RIOX2: variants seen among roughly 807,000 people sequenced by gnomAD.
The protein encoded by RIOX2 is 60S ribosomal protein L27a histidine hydroxylase.
Under a neutral mutation model 51.2 loss-of-function variants are expected in RIOX2, and 43 were observed. That is an observed-to-expected ratio of 0.84 (90% CI 0.66 to 1.08). The LOEUF (loss-of-function observed/expected upper bound fraction) is 1.08, where lower values mean the gene tolerates loss of function less well. Ranked by LOEUF, RIOX2 falls within the 50% of genes least tolerant of loss-of-function variation. The pLI is 0.00. For missense variants in RIOX2, 566 were observed against 561.7 expected, an observed-to-expected ratio of 1.01 and a Z score of -0.08; for synonymous variants, 226 against 218.5, an observed-to-expected ratio of 1.03 and a Z score of -0.30.
chr3:97,948,156 C>T (rs1218049404), intron 7 of RIOX2, among the ~76,000 whole-genome samples: 2 of 152,086 alleles, frequency 1.3e-5, no homozygotes, highest in Admixed American at 6.6e-5. Flanking sequence ...AAAGATTAAA[C>T]CATGTGCTTG....
intron 4 of RIOX2, among the ~76,000 whole-genome samples, chr3:97,956,739 C>T (rs1349857749): frequency 1.3e-5 from 2 of 152,210 alleles, no homozygotes; most frequent in Non-Finnish European, 2.9e-5. Flanking sequence ...AGGTGATCCA[C>T]CTGCCTCGGC....
chr3:97,943,569 T>C lies in RIOX2; in HGVS notation c.*1615A>G, dbSNP rs2040282862. On this transcript the variant is annotated 3_prime_UTR_variant, in exon 10 of 10. Coordinates refer to ENST00000394198, the MANE Select transcript of RIOX2 (RefSeq NM_153182.4). ...AGGTTCTATTCCTGATCTCCAGCTG[T>C]GGTGAGCAAGTTTCCTGAAGTGTTT... 9 of 414,612 alleles carry C rather than the reference T, an allele frequency of 2.2e-5. No individual in the cohort carries two copies. In the East Asian group the frequency reaches 4.8e-4, roughly 22 times the overall value. 25.7% of individuals were successfully genotyped at this position (414,612 alleles called of 1,614,324 possible).
intron 6 of RIOX2, 127 bp from the exon 7 acceptor site, chr3:97,950,142 G>GA: frequency 1.2e-6 from 1 of 834,394 alleles, no homozygotes; most frequent in Middle Eastern, 3.7e-4. Flanking sequence ...TTCCAAAGGG[G>GA]AAGGGACAAC....
At position 97,942,396 on chromosome 3, in the gene RIOX2, GAACT is replaced by G; in HGVS notation, c.*2784_*2787del. The G allele has an allele frequency of 1.2e-6, 2 of 1,611,726 alleles. No homozygotes were observed. Among genetic ancestry groups the G allele is most frequent in the South Asian group, 2.2e-5 (2 of 90,902 alleles). Reference sequence around the variant, plus strand: ...CAGAAGTGGAGACTGAATAAAAATGGAACTATCAGCTCTTATCTCAGTGATCAAC... The same window carrying G: ...CAGAAGTGGAGACTGAATAAAAATGGATCAGCTCTTATCTCAGTGATCAAC... On this transcript the variant is annotated 3_prime_UTR_variant, in exon 10 of 10. Coordinates refer to ENST00000394198, the MANE Select transcript of RIOX2 (RefSeq NM_153182.4).
chr3:97,964,582 GC>G (rs1287282611), intron 2 of RIOX2, among the ~76,000 whole-genome samples: 4 of 151,010 alleles, frequency 2.6e-5, no homozygotes, highest in African/African-American at 9.7e-5. Flanking sequence ...TGTAATCCCA[GC>G]TACTCAGGAG....
rs573849987 is a variant in RIOX2, at chr3:97,945,392, T to G, written c.1240-50A>C. The G allele has an allele frequency of 1.2e-5, 18 of 1,481,726 alleles. No individual in the cohort carries two copies. The Admixed American group carries it at 2.2e-4, about 18-fold the overall frequency. 91.8% of individuals were successfully genotyped at this position (1,481,726 alleles called of 1,614,324 possible). A position where few individuals can be genotyped will look rare whatever the true frequency, so the allele number is the denominator to read the frequency against. ...AAATATATGTATACTACTTATGTCA[T>G]TGAAGTAGCATTTTCCTGTAAATTT... is the stretch of plus-strand genomic sequence containing the variant. On this transcript the variant is annotated intron_variant, in intron 9 of 9. Transcript: ENST00000394198.
chr3:97,955,606 G>A (rs903858111), intron 4 of RIOX2, among the ~76,000 whole-genome samples: 1 of 152,046 alleles, frequency 6.6e-6, no homozygotes, highest in Non-Finnish European at 1.5e-5. Flanking sequence ...AATTTTCCCT[G>A]AATGACAACA....
chr3:97,947,582 A>G (rs748069989), intron 7 of RIOX2, 133 bp from the exon 8 acceptor site: 2 of 671,796 alleles, frequency 3.0e-6, no homozygotes, highest in South Asian at 1.8e-5. Flanking sequence ...ATACACTCCA[A>G]CTGAAGAATT....
intron 2 of RIOX2, among the ~76,000 whole-genome samples, 159 bp from the exon 3 acceptor site, chr3:97,961,867 T>G (rs1431800274): frequency 6.6e-6 from 1 of 152,206 alleles, no homozygotes; most frequent in African/African-American, 2.4e-5. Flanking sequence ...CCAATACCCA[T>G]GGTCTCAAAA....
At position 97,955,815 on chromosome 3, in the gene RIOX2, A is replaced by G. The variant is rs1007502112; in HGVS notation, c.682-1320T>C. Among the ~76,000 whole-genome samples, 5 of 152,312 alleles carry G rather than the reference A, an allele frequency of 3.3e-5. No individual in the cohort carries two copies. In the Middle Eastern group the frequency reaches 0.01, roughly 311 times the overall value. ...ATCTAGGTAGTATAGTGTACTACCT[A>G]CATTACATGGTACAGCCTACTGCTC... On this transcript the variant is annotated intron_variant, in intron 4 of 9. Coordinates refer to ENST00000394198, the MANE Select transcript of RIOX2 (RefSeq NM_153182.4).
chr3:97,950,838 G>A lies in RIOX2; in HGVS notation c.836C>T (p.Thr279Ile). The A allele has an allele frequency of 1.9e-6, 3 of 1,613,706 alleles. No homozygotes were observed. Among genetic ancestry groups the A allele is most frequent in the Admixed American group, 1.7e-5 (1 of 60,000 alleles). Residue 279 changes from threonine (T) to isoleucine (I), a missense_variant, in exon 6 of 10, where the codon ACT (threonine) becomes ATT (isoleucine). Physicochemically the swap from Thr to Ile is moderately conservative, Grantham distance 89. Coordinates refer to ENST00000394198, the MANE Select transcript of RIOX2 (RefSeq NM_153182.4). The part of the protein sequence containing the change: ...LDTISGLVFD[T>I]AKEDVELRTG... ...CCGTAACTCCACGTCTTCCTTTGCA[G>A]TATCAAATACAAGCCCCGAGATGGT...
At chr3:97,965,682 A>T (rs1705864363) in intron 2 of RIOX2, among the ~76,000 whole-genome samples, 1 of 152,224 alleles carries the variant, frequency 6.6e-6, no homozygotes, top group Non-Finnish European at 1.5e-5. Flanking sequence ...ACTTAAGTGG[A>T]TGAGCAGAGA....
intron 3 of RIOX2, 87 bp from the exon 4 acceptor site, chr3:97,959,266 G>T: frequency 1.6e-6 from 2 of 1,257,030 alleles, no homozygotes; most frequent in Non-Finnish European, 2.2e-6. Context: ...CCTCTAAGGG[G>T]CTAATAGACA....
In RIOX2 at chr3:97,944,054, A is replaced by T. The variant is rs1285696194; in HGVS notation, c.*1130T>A. 1 of 151,754 alleles carries T rather than the reference A, an allele frequency of 6.6e-6. No individual in the cohort carries two copies. The highest frequency in any genetic ancestry group is 2.4e-5 in the African/African-American group (1 of 41,374). The allele number at this position is 151,754 out of a possible 1,614,324, so 9.4% of individuals were successfully genotyped here. ...CCTTTAGGTGACAAGACTCTATAAC[A>T]GTGGTTACCTGTCTCCATGTTGACA... On this transcript the variant is annotated 3_prime_UTR_variant, in exon 10 of 10. Transcript: ENST00000394198.
chr3:97,949,270 C>T (rs1705140633), intron 7 of RIOX2, among the ~76,000 whole-genome samples: 1 of 152,086 alleles, frequency 6.6e-6, no homozygotes, highest in Admixed American at 6.6e-5. Flanking sequence ...TAAAAAGAGC[C>T]TGGCACTTCT....
intron 4 of RIOX2, among the ~76,000 whole-genome samples, chr3:97,957,308 C>A (rs1354062780): frequency 2.6e-5 from 4 of 151,978 alleles, no homozygotes; most frequent in Non-Finnish European, 4.4e-5. Context: ...ACCAGCCTGG[C>A]CAACATGGTG....
Position 97,959,031 on chromosome 3 carries a change from C to G in RIOX2, c.681+20G>C. On this transcript the variant is annotated intron_variant, in intron 4 of 9. Coordinates refer to ENST00000394198, the MANE Select transcript of RIOX2 (RefSeq NM_153182.4). The stretch of plus-strand genomic sequence containing the variant: ...CACAATGGCTCTAACAATGAGGTGC[C>G]CACAACGGTTATCACATACCTTCAG... The G allele has an allele frequency of 6.3e-7, 1 of 1,595,100 alleles. No individual in the cohort carries two copies. Among genetic ancestry groups the G allele is most frequent in the Non-Finnish European group, 8.5e-7 (1 of 1,170,002 alleles).
rs1705231413 is a variant in RIOX2 at position 97,951,163 on chromosome 3, A to G, written c.786-275T>C. 4 of 308,548 alleles carry G rather than the reference A, an allele frequency of 1.3e-5. No homozygotes were observed. The East Asian group carries it at 2.4e-4, about 19-fold the overall frequency. The allele number at this position is 308,548 out of a possible 1,614,324, so 19.1% of individuals were successfully genotyped here. The stretch of plus-strand genomic sequence containing the variant: ...ATACTGATTTCTCTTAAAAGCTCTC[A>G]GAAAATTAACCATAGACTTTCATAA... On this transcript the variant is annotated intron_variant, in intron 5 of 9. Transcript: ENST00000394198.
rs1392522814 is a variant in RIOX2 at position 97,949,943 on chromosome 3, C to T, written c.961G>A (p.Gly321Ser). The T allele has an allele frequency of 1.2e-6, 2 of 1,613,862 alleles. No individual in the cohort carries two copies. Among genetic ancestry groups the T allele is most frequent in the African/African-American group, 1.3e-5 (1 of 74,946 alleles). ...FLRTLADRLEGTKELLSSDMK... is the reference protein window; with the variant it reads ...FLRTLADRLESTKELLSSDMK... ...TCTGAGGAAAGCAGTTCTTTGGTGC[C>T]CTCCAGCCGGTCTGCAAGTGTCCTC... The change falls in exon 7 of 10, where the codon GGC becomes AGC. Residue 321 changes from glycine to serine, a missense_variant. Coordinates refer to ENST00000394198, the MANE Select transcript of RIOX2 (RefSeq NM_153182.4).
Sources: allele counts gnomAD v4.1 joint callset (sites outside exome capture counted in the v4.1 genomes callset), GRCh38; gene constraint gnomAD v4.1.1; transcripts MANE v1.5; gene names NCBI Gene and HGNC (gene_info 2026-07-23, HGNC 2026-07-21).